Variants in PPHLN1 observed in about 807,000 individuals in gnomAD.
PPHLN1 encodes the protein periphilin-1.
A neutral mutation model predicts 51.3 loss-of-function variants in PPHLN1; 29 were observed. That is an observed-to-expected ratio of 0.57 (90% CI 0.42 to 0.77). The LOEUF (loss-of-function observed/expected upper bound fraction) is 0.77. Ranked by LOEUF, PPHLN1 falls within the 30% of genes least tolerant of loss-of-function variation. The probability of loss-of-function intolerance (pLI) is 0.00; values close to 1 mark genes in which losing one functional copy is unlikely to be tolerated. For synonymous variants in PPHLN1, 147 were observed against 147.8 expected, an observed-to-expected ratio of 0.99 and a Z score of 0.04; for missense variants, 436 against 438.4, an observed-to-expected ratio of 0.99 and a Z score of 0.05.
rs188376159 is a variant in PPHLN1, at chr12:42,371,742, A to G, written c.300-3121A>G. On this transcript the variant is annotated intron_variant, in intron 4 of 9. Transcript: ENST00000358314. The stretch of plus-strand genomic sequence containing the variant: ...AATGCACACTGGATTTTTAATATTT[A>G]GGTTGAAAAAGAGAATGTAAAATAG... Among the ~76,000 whole-genome samples, 26 of 152,346 alleles carry G rather than the reference A, an allele frequency of 1.7e-4. 1 individual carries two copies. In the East Asian group the frequency reaches 2.7e-3, roughly 16 times the overall value.
At chr12:42,435,577 G>A (rs969517429) in intron 9 of PPHLN1, among the ~76,000 whole-genome samples, 2 of 152,078 alleles carry the variant, frequency 1.3e-5, no homozygotes, top group Non-Finnish European at 2.9e-5. Context: ...ATATCAATGT[G>A]TTATCGCTTT....
chr12:42,439,558 A>G (rs2082765514), intron 9 of PPHLN1, among the ~76,000 whole-genome samples: 1 of 152,234 alleles, frequency 6.6e-6, no homozygotes, highest in Non-Finnish European at 1.5e-5. Flanking sequence ...TCTGTCACCC[A>G]GACTGGAGTG....
Position 42,387,548 on chromosome 12 carries a change from T to A in PPHLN1, c.648+13T>A, listed in dbSNP as rs1411608402. 6.2e-7 allele frequency: 1 copy of A among 1,607,864 alleles called. No individual in the cohort carries two copies. The highest frequency in any genetic ancestry group is 1.3e-5 in the African/African-American group (1 of 74,440). ...TTCTTCATCAAAGGTTTGTTATATT[T>A]CTAAAATCAGTTTAAAGAAGAATTA... On this transcript the variant is annotated intron_variant, in intron 7 of 9. Coordinates refer to ENST00000358314, the MANE Select transcript of PPHLN1 (RefSeq NM_201439.2).
intron 9 of PPHLN1, among the ~76,000 whole-genome samples, chr12:42,418,065 A>G (rs562935101): frequency 1.3e-5 from 2 of 149,372 alleles, no homozygotes; most frequent in East Asian, 2.0e-4. Context: ...TCAGCCTCCT[A>G]CGTAGCTGGG....
intron 9 of PPHLN1, among the ~76,000 whole-genome samples, chr12:42,411,203 A>C (rs1476353415): frequency 1.3e-5 from 2 of 151,612 alleles, no homozygotes; most frequent in African/African-American, 4.8e-5. Context: ...CTAAGTCTTT[A>C]ATTGTATTTA....
Position 42,441,943 on chromosome 12 carries a change from A to T in PPHLN1, c.*434A>T. On this transcript the variant is annotated 3_prime_UTR_variant, in exon 10 of 10. Coordinates refer to ENST00000358314, the MANE Select transcript of PPHLN1 (RefSeq NM_201439.2). ...AGTGTACTATCCTAATAAACTGAAT[A>T]CTTTGGTATCTTAGAGAATATTTGC... 1.0e-6 allele frequency: 1 copy of T among 963,826 alleles called. No individual in the cohort carries two copies. The highest frequency in any genetic ancestry group is 1.2e-6 in the Non-Finnish European group (1 of 810,050). The allele number at this position is 963,826 out of a possible 1,614,324, so 59.7% of individuals were successfully genotyped here.
chr12:42,357,765 G>A (rs1244809285), intron 4 of PPHLN1, among the ~76,000 whole-genome samples: 3 of 151,976 alleles, frequency 2.0e-5, no homozygotes, highest in East Asian at 3.9e-4. Flanking sequence ...TGATGGATAC[G>A]AGTGTAGTTT....
chr12:42,337,352 C>T (rs1415276978), intron 2 of PPHLN1, among the ~76,000 whole-genome samples: 2 of 151,648 alleles, frequency 1.3e-5, no homozygotes, highest in African/African-American at 4.8e-5. Flanking sequence ...ACTCTTGTCG[C>T]CCAGGCTGGA....
intron 9 of PPHLN1, among the ~76,000 whole-genome samples, chr12:42,417,713 A>G (rs2080525040): frequency 1.6e-5 from 1 of 61,524 alleles, no homozygotes. Flanking sequence ...ATTTTATAGA[A>G]AAAAAAAATG....
At chr12:42,381,936 C>T (rs917153895) in intron 5 of PPHLN1, among the ~76,000 whole-genome samples, 65 of 152,180 alleles carry the variant, frequency 4.3e-4, no homozygotes, top group Admixed American at 3.2e-3. Flanking sequence ...CCAAGCACTG[C>T]GCTAAGAATC....
intron 4 of PPHLN1, among the ~76,000 whole-genome samples, chr12:42,369,697 A>G (rs920419150): frequency 1.3e-5 from 2 of 152,182 alleles, no homozygotes; most frequent in African/African-American, 4.8e-5. Context: ...AAGGAATGCA[A>G]TGAGATTTGA....
chr12:42,406,198 C>T (rs1311710943), intron 9 of PPHLN1, among the ~76,000 whole-genome samples: 3 of 151,900 alleles, frequency 2.0e-5, no homozygotes, highest in African/African-American at 2.4e-5. Context: ...ATTCTCCTGC[C>T]TCAGCCTCCC....
chr12:42,350,678 G>A (rs924761415), intron 2 of PPHLN1, among the ~76,000 whole-genome samples: 3 of 152,160 alleles, frequency 2.0e-5, no homozygotes, highest in Admixed American at 2.0e-4. Context: ...GGGCAACATT[G>A]AGCATTGAGT....
intron 5 of PPHLN1, among the ~76,000 whole-genome samples, chr12:42,377,656 T>C (rs1288069952): frequency 1.3e-5 from 2 of 152,132 alleles, no homozygotes; most frequent in Non-Finnish European, 2.9e-5. Context: ...CCAATAATGA[T>C]TTTCATTAAA....
chr12:42,388,628 C>T (rs7970870), intron 7 of PPHLN1, among the ~76,000 whole-genome samples: 24,293 of 152,052 alleles, frequency 0.16, 1,994 homozygotes, highest in Admixed American at 0.2. Context: ...TATACTTTGT[C>T]TCTGTGTCTT....
At chr12:42,383,997 A>G (rs1242093004) in intron 5 of PPHLN1, among the ~76,000 whole-genome samples, 1 of 115,808 alleles carries the variant, frequency 8.6e-6, no homozygotes, top group Admixed American at 8.7e-5. Flanking sequence ...AAAAAAAAAA[A>G]AAAAAAAAAA....
intron 9 of PPHLN1, among the ~76,000 whole-genome samples, chr12:42,425,246 A>ATTTTTTTTTTTTTT (rs34484756): frequency 2.0e-3 from 253 of 124,748 alleles, no homozygotes; most frequent in South Asian, 2.6e-3. Flanking sequence ...TGCCTGGCTA[A>ATTTTTTTTTTTTTT]TTTTTTTTTT....
chr12:42,356,800 T>C (rs548496026), intron 4 of PPHLN1, among the ~76,000 whole-genome samples: 2 of 152,250 alleles, frequency 1.3e-5, no homozygotes, highest in African/African-American at 4.8e-5. Flanking sequence ...AACAAAACAA[T>C]GACATCTAGT....
At chr12:42,426,228 A>ACACACACACACACCCC (rs371819974) in intron 9 of PPHLN1, among the ~76,000 whole-genome samples, 2 of 129,788 alleles carry the variant, frequency 1.5e-5, no homozygotes, top group African/African-American at 6.6e-5. Context: ...ACACACACAC[A>ACACACACACACACCCC]CCCTCATGCA....
Sources: gnomAD v4.1 joint callset for allele counts (sites outside exome capture counted in the v4.1 genomes callset) on GRCh38, gnomAD v4.1.1 for gene constraint, MANE v1.5 for transcripts, NCBI Gene and HGNC (gene_info 2026-07-23, HGNC 2026-07-21) for gene names.